TRMT44: variants seen among roughly 807,000 people sequenced by gnomAD.
The protein encoded by TRMT44 is probable tRNA (uracil-O(2)-)-methyltransferase.
In TRMT44, 78 loss-of-function variants were observed where a neutral mutation model predicts 77.3. That is an observed-to-expected ratio of 1.01 (90% CI 0.84 to 1.22). The LOEUF (loss-of-function observed/expected upper bound fraction) is 1.22. Among genes scored for constraint, TRMT44 ranks in the 50% most tolerant of loss-of-function variants. TRMT44 has a pLI of 0.00. For missense variants in TRMT44, 1,090 were observed against 964.4 expected (o/e 1.13, Z -1.73); for synonymous variants, 391 against 383.3 (o/e 1.02, Z -0.23).
chr4:8,450,884 A>G (rs1449167841), intron 3 of TRMT44, among the ~76,000 whole-genome samples: 1 of 148,442 alleles, frequency 6.7e-6, no homozygotes, highest in Non-Finnish European at 1.5e-5. Flanking sequence ...TGGAGACTCA[A>G]CCTCCCGGGC....
intron 1 of TRMT44, among the ~76,000 whole-genome samples, chr4:8,442,129 A>G (rs1724766684): frequency 6.6e-6 from 1 of 152,234 alleles, no homozygotes; most frequent in South Asian, 2.1e-4. Flanking sequence ...CACAGTGTTT[A>G]TAGGTAAGAC....
chr4:8,501,550 G>A, the TRMT44 span, among the ~76,000 whole-genome samples: 4 of 152,160 alleles, frequency 2.6e-5, no homozygotes. This position sits in a 1 kb window ranked among gnomAD's most constrained non-coding sequence, Gnocchi z 4.4. Flanking sequence ...CAGCTTTAGC[G>A]GGCACTTGGC....
At chr4:8,505,545 G>A in the TRMT44 span, among the ~76,000 whole-genome samples, 1 of 152,220 alleles carries the variant, frequency 6.6e-6, no homozygotes, top group Non-Finnish European at 1.5e-5. Context: ...CACGCCCTGT[G>A]GGGGAAGGGG....
the TRMT44 span, among the ~76,000 whole-genome samples, chr4:8,510,043 C>T: frequency 2.6e-5 from 4 of 152,140 alleles, no homozygotes; most frequent in African/African-American, 9.7e-5. Context: ...GAGCGAGATC[C>T]GGGCTGGACG....
At chr4:8,478,665 T>C (rs1727508827), downstream of TRMT44, 1 of 152,296 alleles carries the variant, frequency 6.6e-6, no homozygotes, top group Non-Finnish European at 1.5e-5. Flanking sequence ...GGCTTCCCGG[T>C]GACTTCTCAG....
At chr4:8,506,489 A>G in the TRMT44 span, among the ~76,000 whole-genome samples, 1 of 152,156 alleles carries the variant, frequency 6.6e-6, no homozygotes, top group African/African-American at 2.4e-5. Context: ...CAGCCCGGGC[A>G]CCACTCCATG....
chr4:8,483,289 T>G (rs1292564045), intron 2 of TRMT44, among the ~76,000 whole-genome samples: 2 of 152,176 alleles, frequency 1.3e-5, no homozygotes, highest in Admixed American at 6.5e-5. Context: ...CCAGGAGATA[T>G]CAGCTGTGAT....
At chr4:8,508,772 G>T in the TRMT44 span, 1 of 152,352 alleles carries the variant, frequency 6.6e-6, no homozygotes, top group Non-Finnish European at 1.5e-5. Flanking sequence ...TTGGGTTTGG[G>T]GTGAGACCCT....
At chr4:8,466,625 C>G (rs1247001866) in intron 8 of TRMT44, among the ~76,000 whole-genome samples, 1 of 152,244 alleles carries the variant, frequency 6.6e-6, no homozygotes, top group Non-Finnish European at 1.5e-5. Flanking sequence ...TCTTGGTCTT[C>G]TGAGTTCAGA....
the TRMT44 span, among the ~76,000 whole-genome samples, chr4:8,511,448 C>G: frequency 6.6e-6 from 1 of 152,102 alleles, no homozygotes; most frequent in Non-Finnish European, 1.5e-5. Context: ...TTACATGGAA[C>G]GGAGACTTTG....
the TRMT44 span, among the ~76,000 whole-genome samples, chr4:8,503,996 C>G: frequency 5.9e-5 from 9 of 152,170 alleles, no homozygotes; most frequent in African/African-American, 2.2e-4. Flanking sequence ...CCGAGGCTCC[C>G]GAGCCTGTGG....
intron 6 of TRMT44, among the ~76,000 whole-genome samples, chr4:8,462,404 T>C (rs2109140906): frequency 7.0e-6 from 1 of 143,678 alleles, no homozygotes; most frequent in South Asian, 2.3e-4. Context: ...AGAGCGATAC[T>C]CCGTCTCAAA....
At position 8,452,367 on chromosome 4, in the gene TRMT44, C is replaced by T. The variant is rs1023137395; in HGVS notation, c.1023+339C>T. ...GCCTAGAACCTTCTAGCCCTTTCCT[C>T]AGCTGGCTCGCTAGCTGGCTACATT... On this transcript the variant is annotated intron_variant, in intron 4 of 10. Coordinates refer to ENST00000389737, the MANE Select transcript of TRMT44 (RefSeq NM_152544.3). This position sits in a 1 kb window ranked among gnomAD's most constrained non-coding sequence, Gnocchi z 5.7. Among the ~76,000 whole-genome samples, 1 of 152,236 alleles carries T rather than the reference C, an allele frequency of 6.6e-6. No homozygotes were observed. Among genetic ancestry groups the T allele is most frequent in the African/African-American group, 2.4e-5 (1 of 41,446 alleles).
In TRMT44 at chr4:8,449,787, A is replaced by G; in HGVS notation, c.853A>G (p.Asn285Asp). 6.5e-7 allele frequency: 1 copy of G among 1,536,018 alleles called. No individual in the cohort carries two copies. Among genetic ancestry groups the G allele is most frequent in the Non-Finnish European group, 8.7e-7 (1 of 1,146,880 alleles). ...LAKLAKWSVE[N>D]KKSDFKSTLS... Reference sequence around the variant, plus strand: ...CAAGTTGGCCAAGTGGTCTGTAGAGAACAAGAAGAGTGACTTTAAAAGCAC... The same window carrying G: ...CAAGTTGGCCAAGTGGTCTGTAGAGGACAAGAAGAGTGACTTTAAAAGCAC... Residue 285 changes from asparagine (N) to aspartate (D), a missense_variant, in exon 3 of 11, where the codon AAC becomes GAC. By Grantham distance (23) the Asn-to-Asp change is conservative. Coordinates refer to ENST00000389737, the MANE Select transcript of TRMT44 (RefSeq NM_152544.3).
In TRMT44 at chr4:8,487,937, C is replaced by A. The variant is rs552576977; in HGVS notation, n.3892-5329C>A. Among the ~76,000 whole-genome samples, 5 of 152,274 alleles carry A rather than the reference C, an allele frequency of 3.3e-5. No homozygotes were observed. The South Asian group carries it at 8.3e-4, about 25-fold the overall frequency. ...AAGGCTGCCTTCCCTAGTCTGTGACCGGCGCCGGAGTTTTGGATCCACGGA... is the reference window on the plus strand; with the variant it reads ...AAGGCTGCCTTCCCTAGTCTGTGACAGGCGCCGGAGTTTTGGATCCACGGA... On this transcript the variant is annotated intron_variant and non_coding_transcript_variant, in intron 2 of 2. Transcript: ENST00000511366.
At chr4:8,454,892 T>A (rs1171840812) in intron 6 of TRMT44, 79 bp downstream of exon 6, 20 of 1,271,662 alleles carry the variant, frequency 1.6e-5, no homozygotes, top group Non-Finnish European at 2.3e-5. Flanking sequence ...AATGTGTCTC[T>A]TTGTATAGGT....
the TRMT44 span, among the ~76,000 whole-genome samples, chr4:8,516,221 C>G: frequency 2.0e-5 from 3 of 152,322 alleles, no homozygotes; most frequent in African/African-American, 7.2e-5. Context: ...CAGAGTCACG[C>G]AGGCCCGGCC....
chr4:8,507,275 C>G, the TRMT44 span: 1 of 152,336 alleles, frequency 6.6e-6, no homozygotes, highest in Non-Finnish European at 1.5e-5. Flanking sequence ...CCAGGCGAGG[C>G]CAGGGCGTGT....
intron 6 of TRMT44, among the ~76,000 whole-genome samples, chr4:8,459,543 A>G (rs993192000): frequency 2.0e-5 from 3 of 152,160 alleles, no homozygotes; most frequent in African/African-American, 7.2e-5. Flanking sequence ...TACAAATTAC[A>G]CTACATAAAT....
Sources: allele counts gnomAD v4.1 joint callset (sites outside exome capture counted in the v4.1 genomes callset), GRCh38; gene constraint gnomAD v4.1.1; non-coding constraint Gnocchi (gnomAD v3.1); transcripts MANE v1.5; gene names NCBI Gene and HGNC (gene_info 2026-07-23, HGNC 2026-07-21).